Variants in SLC38A4 observed in about 807,000 individuals in gnomAD.
SLC38A4 encodes the protein solute carrier family 38 member 4.
Under a neutral mutation model 63.1 loss-of-function variants are expected in SLC38A4, and 20 were observed. That is an observed-to-expected ratio of 0.32 (90% confidence interval 0.22 to 0.46). The LOEUF (loss-of-function observed/expected upper bound fraction) is 0.46. Among genes scored for constraint, SLC38A4 ranks in the 20% least tolerant of loss-of-function variants. The pLI is 1.00. For missense variants in SLC38A4, 526 were observed against 663.6 expected, an observed-to-expected ratio of 0.79 and a Z score of 2.28; for synonymous variants, 230 against 225.5, an observed-to-expected ratio of 1.02 and a Z score of -0.18.
intron 5 of SLC38A4, among the ~76,000 whole-genome samples, chr12:46,787,655 C>A (rs1315719735): frequency 6.6e-6 from 1 of 152,132 alleles, no homozygotes; most frequent in Non-Finnish European, 1.5e-5. Flanking sequence ...TGGGAAAGAT[C>A]TTTTTGGTTG....
rs144743000 is a variant in SLC38A4, at chr12:46,779,650, A to G, written c.678T>C (p.Ser226=). The change falls in exon 10 of 17, where the codon AGT becomes AGC. Residue 226 remains serine (S), a synonymous_variant. Coordinates refer to ENST00000266579, the MANE Select transcript of SLC38A4 (RefSeq NM_018018.5). Reference sequence around the variant, plus strand: ...ACACCATGCAGGTAAGAGAAAATCCACTGGTATAGCCAAGATAACCTAGAA... The same window carrying G: ...ACACCATGCAGGTAAGAGAAAATCCGCTGGTATAGCCAAGATAACCTAGAA... ...LKNLGYLGYT[S]GFSLTCMVFF... The G allele has an allele frequency of 1.4e-5, 22 of 1,607,490 alleles. 1 individual carries two copies. The highest frequency in any genetic ancestry group is 1.1e-4 in the African/African-American group (8 of 74,534).
At chr12:46,789,846 G>A (rs112315953) in intron 3 of SLC38A4, among the ~76,000 whole-genome samples, 214 of 152,284 alleles carry the variant, frequency 1.4e-3, no homozygotes, top group South Asian at 8.7e-3. Context: ...GGAGGCTGAG[G>A]TGGGTGGATA....
intron 2 of SLC38A4, among the ~76,000 whole-genome samples, chr12:46,794,454 A>C (rs1277120821): frequency 2.0e-5 from 3 of 152,148 alleles, no homozygotes; most frequent in Admixed American, 2.0e-4. Flanking sequence ...AAAACATTCA[A>C]AATAAGAGAA....
rs1472595879 is a variant in SLC38A4, at chr12:46,821,376, G to A, written c.-305+4527C>T. On this transcript the variant is annotated intron_variant, in intron 1 of 16. Coordinates refer to ENST00000266579, the MANE Select transcript of SLC38A4 (RefSeq NM_018018.5). ...AAGGTCCAATTTCATTCTTTTGCAT[G>A]TGGATATACAGTTTTCCCAACACCA... is the stretch of plus-strand genomic sequence containing the variant. Among the ~76,000 whole-genome samples the A allele has an allele frequency of 3.9e-5, 6 of 152,008 alleles. No individual in the cohort carries two copies. The East Asian group carries it at 1.2e-3, about 29-fold the overall frequency.
In SLC38A4 at chr12:46,769,314, G is replaced by T. The variant is rs750914803; in HGVS notation, c.1414C>A (p.Pro472Thr). The change falls in exon 15 of 17, where the codon CCA (proline) becomes ACA (threonine). Residue 472 changes from proline (P) to threonine (T), a missense_variant. Transcript: ENST00000266579. ...ALNNVLVILVPTIKYIFGFIG... is the reference protein window; with the variant it reads ...ALNNVLVILVTTIKYIFGFIG... The stretch of plus-strand genomic sequence containing the variant: ...AATCCGAAGATGTATTTTATAGTTG[G>T]CACAAGGATGACCAGAACATTATTA... 6.2e-7 allele frequency: 1 copy of T among 1,613,214 alleles called. No homozygotes were observed. The highest frequency in any genetic ancestry group is 1.1e-5 in the South Asian group (1 of 91,038).
At chr12:46,812,172 A>T (rs1009347634) in intron 1 of SLC38A4, among the ~76,000 whole-genome samples, 1 of 152,068 alleles carries the variant, frequency 6.6e-6, no homozygotes, top group African/African-American at 2.4e-5. Flanking sequence ...TGAAAGACTG[A>T]TATGTGCTTA....
chr12:46,818,828 A>G (rs1443993737), intron 1 of SLC38A4, among the ~76,000 whole-genome samples: 1 of 151,976 alleles, frequency 6.6e-6, no homozygotes, highest in Non-Finnish European at 1.5e-5. Context: ...TCTTACAGAA[A>G]GTTGAGCAAG....
chr12:46,815,572 C>G (rs1158606860), intron 1 of SLC38A4, among the ~76,000 whole-genome samples: 1 of 151,598 alleles, frequency 6.6e-6, no homozygotes, highest in Non-Finnish European at 1.5e-5. Context: ...ATATTAGTTG[C>G]TGTTGTTGTT....
intron 1 of SLC38A4, among the ~76,000 whole-genome samples, chr12:46,807,362 G>C (rs372382179): frequency 6.6e-6 from 1 of 151,412 alleles, no homozygotes; most frequent in South Asian, 2.1e-4. Flanking sequence ...ACCTTTTACC[G>C]TAGATTCATA....
In SLC38A4 at chr12:46,769,438, G is replaced by A; in HGVS notation, c.1300-10C>T. The A allele has an allele frequency of 1.9e-6, 3 of 1,610,156 alleles. No individual in the cohort carries two copies. The highest frequency in any genetic ancestry group is 2.5e-6 in the Non-Finnish European group (3 of 1,177,092). On this transcript the variant is annotated splice_polypyrimidine_tract_variant and intron_variant, in intron 14 of 16. Transcript: ENST00000266579. Reference sequence around the variant, plus strand: ...TCACTGATGTACGAATCTTAAACAAGAAAGTTCAAAGGCAAGATCATTTCT... The same window carrying A: ...TCACTGATGTACGAATCTTAAACAAAAAAGTTCAAAGGCAAGATCATTTCT...
At chr12:46,779,712 T>C in intron 9 of SLC38A4, 43 bp from the exon 10 acceptor site, 2 of 1,586,514 alleles carry the variant, frequency 1.3e-6, no homozygotes, top group Non-Finnish European at 1.7e-6. Flanking sequence ...ATATGGCATC[T>C]ACAATTAGCT....
chr12:46,790,884 C>T (rs1938871179), intron 3 of SLC38A4, among the ~76,000 whole-genome samples: 1 of 151,426 alleles, frequency 6.6e-6, no homozygotes, highest in Non-Finnish European at 1.5e-5. Flanking sequence ...GGGTTCAATC[C>T]AAACCACACA....
intron 1 of SLC38A4, among the ~76,000 whole-genome samples, chr12:46,817,330 T>C (rs548614296): frequency 4.6e-5 from 7 of 151,758 alleles, no homozygotes; most frequent in African/African-American, 1.7e-4. Context: ...GCCTTTTTGA[T>C]TTTATGGATT....
intron 1 of SLC38A4, among the ~76,000 whole-genome samples, chr12:46,810,141 C>T (rs929756222): frequency 1.3e-5 from 2 of 151,954 alleles, no homozygotes; most frequent in African/African-American, 4.8e-5. Flanking sequence ...TGCAAGGACC[C>T]ATTAGTTGCT....
chr12:46,831,848 C>G (rs904860986), intron 1 of SLC38A4, among the ~76,000 whole-genome samples: 2 of 148,722 alleles, frequency 1.3e-5, no homozygotes, highest in South Asian at 4.1e-4. Context: ...GAAGTCGGGC[C>G]TCTCAGCCAG....
upstream of SLC38A4, among the ~76,000 whole-genome samples, chr12:46,830,333 C>G (rs1939714752): frequency 6.6e-6 from 1 of 151,070 alleles, no homozygotes; most frequent in Non-Finnish European, 1.5e-5. Context: ...CACACACACT[C>G]TTCTTGTGTT....
chr12:46,811,440 A>G (rs932822533), intron 1 of SLC38A4, among the ~76,000 whole-genome samples: 3 of 152,040 alleles, frequency 2.0e-5, no homozygotes, highest in Admixed American at 2.0e-4. Flanking sequence ...GGCAGAGCAG[A>G]TGGCACAAGC....
rs184120411 is a variant in SLC38A4 at position 46,768,412 on chromosome 12, G to T, written c.1445-5C>A. The T allele has an allele frequency of 3.6e-3, 5,824 of 1,606,500 alleles. 10 individuals are homozygous for T. Among genetic ancestry groups the T allele is most frequent in the Non-Finnish European group, 4.3e-3 (5,043 of 1,175,632 alleles). ...GCATAGTGGCAGAAGAAGCCCCTGAGAAGACAAACACAGGGCAAGGTCAAT... is the reference window on the plus strand; with the variant it reads ...GCATAGTGGCAGAAGAAGCCCCTGATAAGACAAACACAGGGCAAGGTCAAT... On this transcript the variant is annotated splice_polypyrimidine_tract_variant and splice_region_variant and intron_variant, in intron 15 of 16. Coordinates refer to ENST00000266579, the MANE Select transcript of SLC38A4 (RefSeq NM_018018.5).
chr12:46,766,714 G>C lies in SLC38A4; in HGVS notation c.1631C>G (p.Ser544Cys), dbSNP rs1353622007. The C allele has an allele frequency of 6.2e-7, 1 of 1,607,938 alleles. No homozygotes were observed. The highest frequency in any genetic ancestry group is 1.1e-5 in the South Asian group (1 of 90,764). Residue 544 changes from serine to cysteine, a missense_variant, in exon 17 of 17, where the codon TCC becomes TGC. By Grantham distance (112) the Ser-to-Cys change is moderately radical. Transcript: ENST00000266579. ...TTTTTCCTTGTGTTAGTGATGCTTGGAATTTGGAGGATCATAAATCCAGTC... is the reference window on the plus strand; with the variant it reads ...TTTTTCCTTGTGTTAGTGATGCTTGCAATTTGGAGGATCATAAATCCAGTC... The part of the protein sequence containing the change: ...IIDWIYDPPN[S>C]KHH
Sources: allele counts gnomAD v4.1 joint callset (sites outside exome capture counted in the v4.1 genomes callset), GRCh38; gene constraint gnomAD v4.1.1; transcripts MANE v1.5; gene names NCBI Gene and HGNC (gene_info 2026-07-23, HGNC 2026-07-21).